Variants in NRG1 observed in about 807,000 individuals in gnomAD.
The protein encoded by NRG1 is pro-neuregulin-1, membrane-bound isoform.
A neutral mutation model predicts 63.8 loss-of-function variants in NRG1; 18 were observed. The observed-to-expected ratio is 0.28, with a 90% CI of 0.19 to 0.42. The LOEUF (loss-of-function observed/expected upper bound fraction) is 0.42, where lower values mean the gene tolerates loss of function less well. Among genes scored for constraint, NRG1 ranks in the 10% least tolerant of loss-of-function variants. The probability of loss-of-function intolerance (pLI) is 1.00; values close to 1 mark genes in which losing one functional copy is unlikely to be tolerated. For missense variants in NRG1, 762 were observed against 814.7 expected (o/e 0.94, Z 0.79); for synonymous variants, 302 against 301.3 (o/e 1.00, Z -0.02).
At chr8:31,735,170 A>G (rs748869081) in intron 1 of NRG1, among the ~76,000 whole-genome samples, 2 of 152,142 alleles carry the variant, frequency 1.3e-5, no homozygotes, top group African/African-American at 2.4e-5. Context: ...TTAAATTCAC[A>G]GTGTATGATG....
intron 1 of NRG1, among the ~76,000 whole-genome samples, chr8:31,780,506 C>T (rs542023203): frequency 7.2e-5 from 11 of 152,158 alleles, no homozygotes; most frequent in African/African-American, 2.4e-4. Context: ...AAGGGTGCCT[C>T]CTGTGGCACA....
chr8:31,971,981 A>T (rs766180045), intron 1 of NRG1, among the ~76,000 whole-genome samples: 12 of 151,994 alleles, frequency 7.9e-5, no homozygotes, highest in Non-Finnish European at 1.8e-4. Context: ...TGCATTTGGA[A>T]CCTGGGTTTC....
At chr8:31,674,106 T>A (rs1227662452) in intron 1 of NRG1, among the ~76,000 whole-genome samples, 4 of 152,228 alleles carry the variant, frequency 2.6e-5, no homozygotes, top group Non-Finnish European at 5.9e-5. Flanking sequence ...TCATTCATGT[T>A]TTAGCATGAA....
rs151112582 is a variant in NRG1, at chr8:32,468,722, G to GTT, written c.38-127091_38-127090dup. Among the ~76,000 whole-genome samples the GTT allele has an allele frequency of 4.6e-3, 656 of 143,842 alleles. 2 individuals are homozygous for GTT. Among genetic ancestry groups the GTT allele is most frequent in the African/African-American group, 5.8e-3 (230 of 39,524 alleles). 94.4% of individuals were successfully genotyped at this position (143,842 alleles called of 152,430 possible). On this transcript the variant is annotated intron_variant, in intron 1 of 10. Coordinates refer to the NRG1 transcript ENST00000519301. ...AATATTTGAGCAATTTAACATTACA[G>GTT]TTTTTTTTTTTTTTTTCAGCAAGAA... is the stretch of plus-strand genomic sequence containing the variant.
intron 1 of NRG1, among the ~76,000 whole-genome samples, chr8:32,562,925 G>A (rs1836719959): frequency 6.6e-6 from 1 of 152,026 alleles, no homozygotes; most frequent in Non-Finnish European, 1.5e-5. Flanking sequence ...ACAACTTTAG[G>A]GGTAGAAGAA....
rs150717098 is a variant in NRG1, at chr8:31,753,258, G to T, written c.37+113827G>T. On this transcript the variant is annotated intron_variant, in intron 1 of 10. Coordinates refer to the NRG1 transcript ENST00000519301. The stretch of plus-strand genomic sequence containing the variant: ...GCATTGTGAATGATCTCATTTCAGA[G>T]ATAAAAATGTTGAAGGGCTTTAATT... Among the ~76,000 whole-genome samples the T allele has an allele frequency of 3.5e-3, 538 of 151,688 alleles. 4 individuals are homozygous for T. Among genetic ancestry groups the T allele is most frequent in the African/African-American group, 0.012 (516 of 41,354 alleles).
chr8:32,076,555 C>G (rs547856822), intron 1 of NRG1, among the ~76,000 whole-genome samples: 1 of 152,072 alleles, frequency 6.6e-6, no homozygotes, highest in Admixed American at 6.5e-5. Context: ...ACAGCACACA[C>G]TGGGGTCTAT....
At chr8:32,561,669 C>G (rs1311738176) in intron 1 of NRG1, among the ~76,000 whole-genome samples, 1 of 152,200 alleles carries the variant, frequency 6.6e-6, no homozygotes, top group Admixed American at 6.5e-5. Flanking sequence ...CTGAGTCACT[C>G]GCTTGCATCT....
intron 1 of NRG1, among the ~76,000 whole-genome samples, chr8:32,031,211 G>GCTCTGTCTCCATGGGCAGCAGC (rs1818208691): frequency 6.6e-6 from 1 of 152,180 alleles, no homozygotes; most frequent in Non-Finnish European, 1.5e-5. Context: ...CCATCACCAG[G>GCTCTGTCTCCATGGGCAGCAGC]CTCTGTCTCC....
intron 1 of NRG1, among the ~76,000 whole-genome samples, chr8:31,779,820 G>A (rs901895737): frequency 6.6e-6 from 1 of 152,160 alleles, no homozygotes; most frequent in Non-Finnish European, 1.5e-5. Flanking sequence ...AAAATGAGAG[G>A]GCTGTGTTTG....
At chr8:32,067,570 G>A (rs1278957260) in intron 1 of NRG1, among the ~76,000 whole-genome samples, 2 of 152,130 alleles carry the variant, frequency 1.3e-5, no homozygotes, top group African/African-American at 4.8e-5. Context: ...GCTTTTTGAT[G>A]TGCTACTGGA....
At chr8:32,358,679 T>C (rs1806804274) in intron 1 of NRG1, among the ~76,000 whole-genome samples, 1 of 152,092 alleles carries the variant, frequency 6.6e-6, no homozygotes, top group South Asian at 2.1e-4. Flanking sequence ...TTCAAGATAG[T>C]AATAGCTGCA....
intron 1 of NRG1, among the ~76,000 whole-genome samples, chr8:32,503,929 C>G (rs549892957): frequency 2.6e-5 from 4 of 152,200 alleles, no homozygotes; most frequent in Non-Finnish European, 5.9e-5. Flanking sequence ...TCGCCTGATT[C>G]TTTCCTTGGG....
chr8:32,350,485 A>G (rs1358022250), intron 1 of NRG1, among the ~76,000 whole-genome samples: 1 of 152,126 alleles, frequency 6.6e-6, no homozygotes. Flanking sequence ...TGAAAGTCAG[A>G]TGGACCTTGG....
At chr8:31,900,459 G>A (rs1222257007) in intron 1 of NRG1, among the ~76,000 whole-genome samples, 1 of 152,144 alleles carries the variant, frequency 6.6e-6, no homozygotes, top group East Asian at 1.9e-4. Context: ...TTCAAGGATA[G>A]CATTATACTA....
chr8:31,995,208 C>A (rs570590863), intron 1 of NRG1, among the ~76,000 whole-genome samples: 3 of 152,040 alleles, frequency 2.0e-5, no homozygotes, highest in African/African-American at 7.2e-5. Context: ...CAGGAAGAAT[C>A]TCTTCTCCCC....
intron 1 of NRG1, chr8:32,139,213 A>G (rs576600911): frequency 2.0e-4 from 31 of 152,248 alleles, no homozygotes; most frequent in African/African-American, 7.2e-4. Flanking sequence ...TTTTTTTGCC[A>G]GATGAAATTT....
At chr8:31,924,996 C>T (rs1408374673) in intron 1 of NRG1, among the ~76,000 whole-genome samples, 1 of 151,138 alleles carries the variant, frequency 6.6e-6, no homozygotes, top group African/African-American at 2.4e-5. Context: ...TTAAAATGAA[C>T]TTGTTTTATT....
chr8:32,400,650 T>C (rs895378466), intron 1 of NRG1, among the ~76,000 whole-genome samples: 1 of 152,134 alleles, frequency 6.6e-6, no homozygotes, highest in African/African-American at 2.4e-5. Context: ...AAATAACAGA[T>C]GCTGACAGAG....
Sources: allele counts gnomAD v4.1 joint callset (sites outside exome capture counted in the v4.1 genomes callset), GRCh38; gene constraint gnomAD v4.1.1; transcripts MANE v1.5; gene names NCBI Gene and HGNC (gene_info 2026-07-23, HGNC 2026-07-21).